The following RALYL variants were observed in gnomAD, a reference collection of about 807,000 sequenced individuals.
RALYL encodes the protein RNA-binding Raly-like protein.
A neutral mutation model predicts 35.1 loss-of-function variants in RALYL; 29 were observed. The observed-to-expected ratio is 0.83, with a 90% CI of 0.61 to 1.13. RALYL has a LOEUF of 1.13. Among genes scored for constraint, RALYL ranks in the 50% most tolerant of loss-of-function variants. The pLI is 0.00. For missense variants in RALYL, 359 were observed against 360.4 expected, an observed-to-expected ratio of 1.00 and a Z score of 0.03; for synonymous variants, 120 against 127.6, an observed-to-expected ratio of 0.94 and a Z score of 0.40.
chr8:84,746,258 A>T (rs1290677811), intron 2 of RALYL, among the ~76,000 whole-genome samples: 1 of 152,080 alleles, frequency 6.6e-6, no homozygotes, highest in East Asian at 1.9e-4. Flanking sequence ...GCTCTATCAC[A>T]TATACTATAT....
chr8:84,704,284 G>T (rs1840739494), intron 2 of RALYL, among the ~76,000 whole-genome samples: 2 of 152,010 alleles, frequency 1.3e-5, no homozygotes, highest in Admixed American at 6.6e-5. Flanking sequence ...AATTAGCTGG[G>T]CGTGGTGGCA....
chr8:84,503,757 GAGAATCGGCTTGATGATCT>G lies in RALYL; in HGVS notation c.-23-25541_-23-25523del, dbSNP rs371456618. Reference sequence around the variant, plus strand: ...CCACCTACTCTGAAGGCTGAGGCAGGAGAATCGGCTTGATGATCTCCTGCTGAGGCAGGAGAATCGGCTT... The same window carrying G: ...CCACCTACTCTGAAGGCTGAGGCAGGCCTGCTGAGGCAGGAGAATCGGCTT... On this transcript the variant is annotated intron_variant, in intron 1 of 8. Coordinates refer to ENST00000521268, the MANE Select transcript of RALYL (RefSeq NM_173848.7). Among the ~76,000 whole-genome samples the G allele has an allele frequency of 2.5e-4, 37 of 150,532 alleles. 2 individuals carry two copies. In the East Asian group the frequency reaches 5.3e-3, roughly 22 times the overall value.
intron 2 of RALYL, among the ~76,000 whole-genome samples, chr8:84,567,998 G>A (rs1021329722): frequency 1.3e-5 from 2 of 151,314 alleles, no homozygotes; most frequent in Non-Finnish European, 3.0e-5. Context: ...GGCTGCTTGT[G>A]TGTTTTCTTT....
At chr8:84,650,251 T>C (rs966553849) in intron 2 of RALYL, among the ~76,000 whole-genome samples, 4 of 152,038 alleles carry the variant, frequency 2.6e-5, no homozygotes, top group African/African-American at 9.7e-5. Flanking sequence ...ACTTCCTCTT[T>C]TCCTAATTGA....
In RALYL at chr8:84,333,888, G is replaced by GT. The variant is rs976044736; in HGVS notation, c.-24+149471dup. The stretch of plus-strand genomic sequence containing the variant: ...GCTTGAAAGAGTCTTATTTTAACTT[G>GT]TTTTTTTCCCCCCTTGGGACACGGT... On this transcript the variant is annotated intron_variant, in intron 1 of 8. Coordinates refer to ENST00000521268, the MANE Select transcript of RALYL (RefSeq NM_173848.7). Among the ~76,000 whole-genome samples the GT allele has an allele frequency of 4.2e-5, 6 of 144,156 alleles. No homozygotes were observed. The East Asian group carries it at 5.8e-4, about 14-fold the overall frequency. 94.6% of individuals were successfully genotyped at this position (144,156 alleles called of 152,430 possible). A position where few individuals can be genotyped will look rare whatever the true frequency, so the allele number is the denominator to read the frequency against.
intron 1 of RALYL, among the ~76,000 whole-genome samples, chr8:84,358,565 C>G (rs777366782): frequency 1.3e-5 from 2 of 151,902 alleles, no homozygotes; most frequent in South Asian, 4.2e-4. Flanking sequence ...AAATGATGAG[C>G]GTGGTTTTGA....
intron 1 of RALYL, among the ~76,000 whole-genome samples, chr8:84,441,857 T>A (rs2048364957): frequency 6.6e-6 from 1 of 152,112 alleles, no homozygotes; most frequent in African/African-American, 2.4e-5. Flanking sequence ...GCAATTCATA[T>A]CTCAGGACTA....
chr8:84,683,928 G>A (rs780525435), intron 2 of RALYL, among the ~76,000 whole-genome samples: 3 of 152,000 alleles, frequency 2.0e-5, no homozygotes, highest in Non-Finnish European at 4.4e-5. Flanking sequence ...AGGAACTCTC[G>A]ATCCCTCAGG....
At chr8:84,413,650 A>G (rs1485744873) in intron 1 of RALYL, among the ~76,000 whole-genome samples, 1 of 152,098 alleles carries the variant, frequency 6.6e-6, no homozygotes, top group Non-Finnish European at 1.5e-5. Flanking sequence ...CAATTAGAAC[A>G]TCCATAAAAG....
chr8:84,323,254 T>C (rs181393225), intron 1 of RALYL, among the ~76,000 whole-genome samples: 10 of 152,126 alleles, frequency 6.6e-5, no homozygotes, highest in Admixed American at 2.6e-4. Context: ...TAGGAAAAGC[T>C]CATAAATATA....
intron 1 of RALYL, among the ~76,000 whole-genome samples, chr8:84,195,907 C>A (rs1815158507): frequency 6.6e-6 from 1 of 152,014 alleles, no homozygotes; most frequent in African/African-American, 2.4e-5. Flanking sequence ...TGAGTTTGCA[C>A]CTTTGTATTT....
chr8:84,691,486 A>AT (rs1477443734), intron 2 of RALYL, among the ~76,000 whole-genome samples: 1 of 152,112 alleles, frequency 6.6e-6, no homozygotes, highest in African/African-American at 2.4e-5. Context: ...CAGTGAATTG[A>AT]GAAAGATTCA....
chr8:84,427,536 A>T (rs1242197066), intron 1 of RALYL, among the ~76,000 whole-genome samples: 2 of 152,164 alleles, frequency 1.3e-5, no homozygotes, highest in Non-Finnish European at 2.9e-5. Context: ...AAACATATGT[A>T]TGCATTTAAA....
chr8:84,710,496 T>A (rs1286057382), intron 2 of RALYL, among the ~76,000 whole-genome samples: 1 of 151,540 alleles, frequency 6.6e-6, no homozygotes, highest in Non-Finnish European at 1.5e-5. Context: ...GAGATAGGGT[T>A]TCACCATGTT....
intron 2 of RALYL, among the ~76,000 whole-genome samples, chr8:84,748,786 T>A (rs1472098908): frequency 6.6e-6 from 1 of 152,144 alleles, no homozygotes. Context: ...CTAAATACTT[T>A]TACCAACACA....
intron 2 of RALYL, among the ~76,000 whole-genome samples, chr8:84,732,089 T>A (rs767829747): frequency 2.6e-5 from 4 of 152,160 alleles, no homozygotes; most frequent in Non-Finnish European, 4.4e-5. Flanking sequence ...TTCTATAGAT[T>A]CTTATGGCTC....
intron 1 of RALYL, among the ~76,000 whole-genome samples, chr8:84,357,381 G>T (rs1168908860): frequency 6.6e-6 from 1 of 151,924 alleles, no homozygotes; most frequent in Non-Finnish European, 1.5e-5. Context: ...AGCTGTTACA[G>T]ACATTCATTA....
At chr8:84,357,935 T>A (rs1257387020) in intron 1 of RALYL, among the ~76,000 whole-genome samples, 2 of 151,812 alleles carry the variant, frequency 1.3e-5, no homozygotes, top group African/African-American at 4.8e-5. Flanking sequence ...GTTTTACATT[T>A]CCTTTGCTCC....
chr8:84,673,498 G>A (rs569172860), intron 2 of RALYL, among the ~76,000 whole-genome samples: 1 of 152,084 alleles, frequency 6.6e-6, no homozygotes, highest in Admixed American at 6.5e-5. Flanking sequence ...ATTTTTATAG[G>A]TTTGGGTTTT....
Sources: allele counts gnomAD v4.1 joint callset (sites outside exome capture counted in the v4.1 genomes callset), GRCh38; gene constraint gnomAD v4.1.1; transcripts MANE v1.5; gene names NCBI Gene and HGNC (gene_info 2026-07-23, HGNC 2026-07-21).